Variants in TTC7A observed in about 807,000 individuals in gnomAD.
TTC7A encodes tetratricopeptide repeat domain 7A, also known as tetratricopeptide repeat protein 7A.
Under a neutral mutation model 103.7 loss-of-function variants are expected in TTC7A, and 110 were observed. The observed-to-expected ratio is 1.06, with a 90% confidence interval of 0.91 to 1.24. The LOEUF is 1.24. TTC7A is among the 50% of genes most tolerant of loss of function. TTC7A has a pLI of 0.00. For missense variants in TTC7A, 1,340 were observed against 1,116.3 expected, an observed-to-expected ratio of 1.20 and a Z score of -2.86; for synonymous variants, 521 against 467.9, an observed-to-expected ratio of 1.11 and a Z score of -1.47.
chr2:47,052,270 G>T (rs959826480), intron 18 of TTC7A, among the ~76,000 whole-genome samples: 1 of 152,196 alleles, frequency 6.6e-6, no homozygotes, highest in African/African-American at 2.4e-5. Context: ...TAACTTTGAG[G>T]TTGCCATTCA....
chr2:47,024,396 G>A, intron 14 of TTC7A, 37 bp downstream of exon 14: 1 of 1,569,376 alleles, frequency 6.4e-7, no homozygotes, highest in Non-Finnish European at 8.7e-7. Context: ...GGGTCCTCGG[G>A]GGCTGCTGAT....
exon 2 of TTC7A, chr2:46,917,190 G>C (rs560988801): frequency 4.3e-6 from 3 of 701,244 alleles, no homozygotes; most frequent in Non-Finnish European, 7.8e-6. Context: ...AAAGAAAAGA[G>C]TCTCCATGGT....
At chr2:47,022,802 C>A (rs1025463452) in intron 12 of TTC7A, among the ~76,000 whole-genome samples, 1 of 152,168 alleles carries the variant, frequency 6.6e-6, no homozygotes, top group Non-Finnish European at 1.5e-5. Context: ...AGACACCCTC[C>A]TTGTCCTTTT....
intron 15 of TTC7A, among the ~76,000 whole-genome samples, chr2:47,036,873 G>A (rs1009554407): frequency 6.6e-6 from 1 of 152,190 alleles, no homozygotes; most frequent in Non-Finnish European, 1.5e-5. Context: ...CTGAGCATGT[G>A]TTGGATTTAA....
intron 2 of TTC7A, 82 bp from the exon 3 acceptor site, chr2:46,956,757 A>G: frequency 6.5e-7 from 1 of 1,531,888 alleles, no homozygotes; most frequent in South Asian, 1.1e-5. Context: ...GGTCTGAGGC[A>G]AACAAGGTCC....
chr2:46,951,130 T>G (rs1467639664), intron 2 of TTC7A, among the ~76,000 whole-genome samples: 2 of 152,122 alleles, frequency 1.3e-5, no homozygotes, highest in African/African-American at 4.8e-5. Flanking sequence ...CAAGCCCATT[T>G]AAGTCCACGT....
At position 46,963,184 on chromosome 2, in the gene TTC7A, C is replaced by G. The variant is rs140013775; in HGVS notation, c.517+6177C>G. 5.1e-4 allele frequency among the ~76,000 whole-genome samples: 78 copies of G among 152,336 alleles called. No individual in the cohort carries two copies. The East Asian group carries it at 0.013, about 25-fold the overall frequency. On this transcript the variant is annotated intron_variant, in intron 3 of 19. Transcript: ENST00000319190. ...TGTCTCCTAATAGAATCTGGTCCCC[C>G]TGTCTCCTCTGGCACTGCCTTCAGC...
intron 2 of TTC7A, among the ~76,000 whole-genome samples, chr2:46,935,760 G>C (rs1221991786): frequency 6.6e-6 from 1 of 152,126 alleles, no homozygotes; most frequent in South Asian, 2.1e-4. Flanking sequence ...AATGAGAGAT[G>C]CAAGTCTTGT....
In TTC7A at chr2:46,941,665, C is replaced by G. The variant is rs865919847; in HGVS notation, c.124C>G (p.Pro42Ala). The change falls in exon 1 of 20, where the codon CCC (proline) becomes GCC (alanine). Residue 42 changes from proline (P) to alanine (A), a missense_variant. Physicochemically the swap from Pro to Ala is conservative, Grantham distance 27. Transcript: ENST00000319190. This position sits in a 1 kb window ranked among gnomAD's most constrained non-coding sequence, Gnocchi z 4.2. ...CCGGCAGCTGCAGACGCTGAGCATG[C>G]CCGGCGGCGGAGGTAACAGGCGAGG... Reference protein sequence around the residue: ...LVRQLQTLSMPGGGGNRRGSP... With the variant: ...LVRQLQTLSMAGGGGNRRGSP... 2.6e-6 allele frequency: 4 copies of G among 1,551,682 alleles called. No individual in the cohort carries two copies. The highest frequency in any genetic ancestry group is 2.0e-5 in the Admixed American group (1 of 51,146).
At chr2:46,938,452 G>A (rs1256763585), upstream of TTC7A, among the ~76,000 whole-genome samples, 2 of 152,002 alleles carry the variant, frequency 1.3e-5, no homozygotes, top group Non-Finnish European at 1.5e-5. Flanking sequence ...CAACCGAGGG[G>A]GTATTCTCTT....
chr2:47,001,493 G>A (rs190332965), intron 8 of TTC7A, among the ~76,000 whole-genome samples: 75 of 152,296 alleles, frequency 4.9e-4, no homozygotes, highest in Admixed American at 1.2e-3. Context: ...GGGGTGGTCA[G>A]TGGTTTCATC....
chr2:47,051,953 A>G, intron 18 of TTC7A, 73 bp downstream of exon 18: 1 of 1,515,950 alleles, frequency 6.6e-7, no homozygotes, highest in Non-Finnish European at 8.9e-7. Flanking sequence ...CCTGTCCTGG[A>G]GAAGGGAGTG....
intron 2 of TTC7A, among the ~76,000 whole-genome samples, chr2:46,931,363 G>A (rs1263200867): frequency 3.3e-5 from 5 of 152,256 alleles, no homozygotes. Flanking sequence ...TGGGCTTACA[G>A]CCATAAGCCA....
chr2:47,017,976 T>C lies in TTC7A; in HGVS notation c.1393-3886T>C, dbSNP rs536342767. Among the ~76,000 whole-genome samples the C allele has an allele frequency of 8.5e-5, 13 of 152,224 alleles. No homozygotes were observed. The South Asian group carries it at 2.7e-3, about 32-fold the overall frequency. ...TATATATGAGTAGTTGTAATTGATA[T>C]ACATATATATATGAACCTGGCTAGC... On this transcript the variant is annotated intron_variant, in intron 11 of 19. Transcript: ENST00000319190.
intron 8 of TTC7A, among the ~76,000 whole-genome samples, chr2:47,004,312 GC>G (rs1481688730): frequency 6.6e-6 from 1 of 152,190 alleles, no homozygotes; most frequent in Non-Finnish European, 1.5e-5. Flanking sequence ...GCTTCCAGAG[GC>G]TTCTGGGAGG....
At chr2:47,069,407 C>T (rs1023789416) in intron 19 of TTC7A, among the ~76,000 whole-genome samples, 2 of 152,190 alleles carry the variant, frequency 1.3e-5, no homozygotes, top group African/African-American at 4.8e-5. Context: ...GGGACAGGTA[C>T]TCACTACCCC....
At chr2:47,036,761 G>T (rs555003819) in intron 15 of TTC7A, among the ~76,000 whole-genome samples, 3 of 152,314 alleles carry the variant, frequency 2.0e-5, no homozygotes, top group Admixed American at 1.3e-4. Context: ...GGGAGGCTGG[G>T]GTGAGAGGAT....
rs370253227 is a variant in TTC7A, at chr2:47,059,250, T to G, written c.2153-1519T>G. Among the ~76,000 whole-genome samples, 156 of 151,990 alleles carry G rather than the reference T, an allele frequency of 1.0e-3. 2 individuals carry two copies. Among genetic ancestry groups the G allele is most frequent in the African/African-American group, 3.7e-3 (152 of 41,448 alleles). On this transcript the variant is annotated intron_variant, in intron 18 of 19. Transcript: ENST00000319190. ...CCTGGCCAGGCTGGTCTTGAACTCC[T>G]GACCTCGTGATCTACCCGCCTTGGC...
At chr2:47,013,099 G>A (rs564731590) in intron 11 of TTC7A, among the ~76,000 whole-genome samples, 2 of 152,252 alleles carry the variant, frequency 1.3e-5, no homozygotes, top group South Asian at 2.1e-4. Flanking sequence ...AAGTCTCCTC[G>A]GGTGGGACAT....
Sources: allele counts gnomAD v4.1 joint callset (sites outside exome capture counted in the v4.1 genomes callset), GRCh38; gene constraint gnomAD v4.1.1; non-coding constraint Gnocchi (gnomAD v3.1); transcripts MANE v1.5; gene names NCBI Gene and HGNC (gene_info 2026-07-23, HGNC 2026-07-21).